MTBP: variants seen among roughly 807,000 people sequenced by gnomAD.
The protein encoded by MTBP is MDM2 binding protein.
MTBP carries 101 observed loss-of-function variants against 117.0 expected under a neutral mutation model. That is an observed-to-expected ratio of 0.86 (90% confidence interval 0.73 to 1.02). The LOEUF (loss-of-function observed/expected upper bound fraction) is 1.02. Among genes scored for constraint, MTBP ranks in the 50% least tolerant of loss-of-function variants. The pLI, the probability that MTBP is intolerant of heterozygous loss-of-function variation, is 0.00. For synonymous variants in MTBP, 350 were observed against 351.5 expected, an observed-to-expected ratio of 1.00 and a Z score of 0.05; for missense variants, 970 against 1,030.9, an observed-to-expected ratio of 0.94 and a Z score of 0.81.
Position 120,451,031 on chromosome 8 carries a change from C to T in MTBP, c.228C>T (p.Ser76=). 6.2e-7 allele frequency: 1 copy of T among 1,612,258 alleles called. No homozygotes were observed. The highest frequency in any genetic ancestry group is 8.5e-7 in the Non-Finnish European group (1 of 1,179,326). Residue 76 remains serine, a synonymous_variant, in exon 3 of 22, where the codon TCC becomes TCT. Coordinates refer to ENST00000305949, the MANE Select transcript of MTBP (RefSeq NM_022045.5). The part of the protein sequence containing the change: ...PACSVGGIPG[S]KKWFFAVQAI... The stretch of plus-strand genomic sequence containing the variant: ...GTTCAGTGGGAGGTATACCTGGTTC[C>T]AAGAAGTGGTTCTTTGCAGTGCAGG...
intron 18 of MTBP, among the ~76,000 whole-genome samples, chr8:120,516,560 T>C (rs566569039): frequency 2.7e-4 from 41 of 152,154 alleles, no homozygotes; most frequent in Admixed American, 1.3e-3. Flanking sequence ...CTGCCTGCAT[T>C]GTTCCCTTGA....
chr8:120,497,982 G>A (rs1221851667), intron 14 of MTBP, among the ~76,000 whole-genome samples: 1 of 152,160 alleles, frequency 6.6e-6, no homozygotes, highest in Non-Finnish European at 1.5e-5. Context: ...GGGAGGAACA[G>A]TCAGACTTCA....
At chr8:120,503,202 A>G (rs1017437129) in intron 15 of MTBP, among the ~76,000 whole-genome samples, 14 of 152,244 alleles carry the variant, frequency 9.2e-5, no homozygotes, top group African/African-American at 2.9e-4. Flanking sequence ...CATGGGTAGT[A>G]TTTTATTACT....
At chr8:120,476,706 G>C (rs918086103) in intron 11 of MTBP, among the ~76,000 whole-genome samples, 3 of 152,102 alleles carry the variant, frequency 2.0e-5, no homozygotes, top group Non-Finnish European at 4.4e-5. Flanking sequence ...GGCTGTGAAG[G>C]ACCTTTTCAA....
At chr8:120,462,096 C>G (rs1180531466) in intron 9 of MTBP, among the ~76,000 whole-genome samples, 1 of 152,062 alleles carries the variant, frequency 6.6e-6, no homozygotes, top group Non-Finnish European at 1.5e-5. Context: ...GATTGGAGAG[C>G]CTTTTCAGAT....
At chr8:120,504,572 T>G (rs1241177740) in intron 15 of MTBP, among the ~76,000 whole-genome samples, 1 of 152,070 alleles carries the variant, frequency 6.6e-6, no homozygotes, top group Non-Finnish European at 1.5e-5. Flanking sequence ...CTCTAAAACT[T>G]TTACAATTTT....
intron 14 of MTBP, among the ~76,000 whole-genome samples, 186 bp downstream of exon 14, chr8:120,497,740 A>G (rs1814499853): frequency 6.6e-6 from 1 of 152,230 alleles, no homozygotes; most frequent in Non-Finnish European, 1.5e-5. Flanking sequence ...TTATTTAAAC[A>G]TTATAAATTT....
intron 18 of MTBP, among the ~76,000 whole-genome samples, chr8:120,516,868 C>G (rs1814929808): frequency 6.6e-6 from 1 of 151,922 alleles, no homozygotes; most frequent in Non-Finnish European, 1.5e-5. Flanking sequence ...GAAAACATAA[C>G]TTTCAGATCT....
At chr8:120,462,691 T>C (rs1813605572) in intron 9 of MTBP, among the ~76,000 whole-genome samples, 1 of 152,186 alleles carries the variant, frequency 6.6e-6, no homozygotes, top group Non-Finnish European at 1.5e-5. Context: ...TTGATGTTTT[T>C]ATCTTATATT....
chr8:120,485,355 A>G (rs1814191258), intron 11 of MTBP, among the ~76,000 whole-genome samples: 1 of 152,130 alleles, frequency 6.6e-6, no homozygotes, highest in South Asian at 2.1e-4. Context: ...GTGTTGTTTA[A>G]TTTCCACATA....
intron 12 of MTBP, among the ~76,000 whole-genome samples, chr8:120,490,108 A>T (rs1017897392): frequency 1.1e-4 from 17 of 152,098 alleles, no homozygotes; most frequent in Admixed American, 2.0e-4. Flanking sequence ...ATAACAGGAG[A>T]TGTGGTTCAT....
At chr8:120,494,293 G>A (rs76436944) in intron 13 of MTBP, among the ~76,000 whole-genome samples, 2,925 of 152,278 alleles carry the variant, frequency 0.019, 95 homozygotes, top group African/African-American at 0.067. Context: ...ATAAATGTGC[G>A]TTTTGTTGAA....
intron 11 of MTBP, 52 bp downstream of exon 11, chr8:120,470,989 G>A (rs375413029): frequency 3.3e-6 from 4 of 1,222,126 alleles, no homozygotes; most frequent in African/African-American, 1.5e-5. Context: ...GTTAATGTAT[G>A]TATCAAATTT....
Position 120,497,457 on chromosome 8 carries a change from A to G in MTBP, c.1512A>G (p.Val504=), listed in dbSNP as rs377305900. The stretch of plus-strand genomic sequence containing the variant: ...TTGCTGAACTCAAAAGTCTGTTAGT[A>G]CTCACAAGGAAACACTTTTTAGATT... ...VSVAELKSLL[V]LTRKHFLDYF... Residue 504 remains valine, a synonymous_variant, in exon 14 of 22, where the codon GTA becomes GTG. Coordinates refer to ENST00000305949, the MANE Select transcript of MTBP (RefSeq NM_022045.5). 2.2e-5 allele frequency: 36 copies of G among 1,608,414 alleles called. No individual in the cohort carries two copies. Among genetic ancestry groups the G allele is most frequent in the Non-Finnish European group, 3.1e-5 (36 of 1,177,644 alleles).
chr8:120,460,590 C>A (rs920760275), intron 8 of MTBP, among the ~76,000 whole-genome samples: 3 of 152,108 alleles, frequency 2.0e-5, no homozygotes, highest in African/African-American at 7.2e-5. Context: ...AGGCTTTACC[C>A]AAGAAATACA....
intron 8 of MTBP, among the ~76,000 whole-genome samples, chr8:120,459,845 A>G (rs1813546933): frequency 6.6e-6 from 1 of 152,174 alleles, no homozygotes; most frequent in South Asian, 2.1e-4. Flanking sequence ...AGTACCTGAC[A>G]TATGCTTAAC....
chr8:120,504,379 A>G (rs1814651034), intron 15 of MTBP, among the ~76,000 whole-genome samples: 1 of 152,044 alleles, frequency 6.6e-6, no homozygotes, highest in Admixed American at 6.6e-5. Context: ...TACAAGTCTT[A>G]ATTTTATTTT....
rs1814491271 is a variant in MTBP, at chr8:120,497,442, C to T, written c.1497C>T (p.Leu499=). ...CTGAAACAGTTTCTGTTGCTGAACT[C>T]AAAAGTCTGTTAGTACTCACAAGGA... ...KQPETVSVAE[L]KSLLVLTRKH... Residue 499 remains leucine, a synonymous_variant, in exon 14 of 22, where the codon CTC becomes CTT. Transcript: ENST00000305949. The T allele has an allele frequency of 1.1e-5, 17 of 1,607,548 alleles. No homozygotes were observed. The highest frequency in any genetic ancestry group is 1.4e-5 in the Non-Finnish European group (17 of 1,177,988).
intron 4 of MTBP, among the ~76,000 whole-genome samples, chr8:120,453,020 G>A (rs560626949): frequency 3.3e-5 from 5 of 152,178 alleles, no homozygotes; most frequent in East Asian, 1.9e-4. Flanking sequence ...GAAAAAAATT[G>A]CATCATATAG....
Sources: allele counts gnomAD v4.1 joint callset (sites outside exome capture counted in the v4.1 genomes callset), GRCh38; gene constraint gnomAD v4.1.1; transcripts MANE v1.5; gene names NCBI Gene and HGNC (gene_info 2026-07-23, HGNC 2026-07-21).